The following AKAP12 variants were observed in gnomAD, a reference collection of about 807,000 sequenced individuals.
The protein encoded by AKAP12 is A-kinase anchor protein 12.
In AKAP12, 32 loss-of-function variants were observed where a neutral mutation model predicts 79.9. That is an observed-to-expected ratio of 0.40 (90% CI 0.30 to 0.54). The LOEUF (loss-of-function observed/expected upper bound fraction) is 0.54. AKAP12 is among the 20% of genes least tolerant of loss of function. The pLI is 0.48. For synonymous variants in AKAP12, 808 were observed against 857.0 expected (o/e 0.94, Z 1.00); for missense variants, 2,074 against 2,177.0 (o/e 0.95, Z 0.94).
rs1222131764 is a variant in AKAP12, at chr6:151,352,318, A to T, written c.3927A>T (p.Thr1309=). The part of the protein sequence containing the change: ...VTEVALKGEG[T]EEAECKKDDA... ...AAGTTGCCCTTAAAGGTGAAGGGAC[A>T]GAAGAAGCTGAATGTAAAAAGGATG... The change falls in exon 4 of 5, where the codon ACA becomes ACT. Residue 1309 remains threonine, a synonymous_variant. Transcript: ENST00000402676. The T allele has an allele frequency of 6.2e-7, 1 of 1,614,226 alleles. No homozygotes were observed. The highest frequency in any genetic ancestry group is 2.2e-5 in the East Asian group (1 of 44,886).
In AKAP12 at chr6:151,264,067, GGAGGGGGCACTGTTTCAT is replaced by G. The variant is rs1405083345; in HGVS notation, c.162+23348_162+23365del. ...ATGCACTCTCCAGCTTGGGGCAGGT[GGAGGGGGCACTGTTTCAT>G]GAGGAAAGCTAATGGTATGCAGAAG... On this transcript the variant is annotated intron_variant, in intron 2 of 4. Coordinates refer to ENST00000402676, the MANE Select transcript of AKAP12 (RefSeq NM_005100.4). Among the ~76,000 whole-genome samples, 7 of 152,108 alleles carry G rather than the reference GGAGGGGGCACTGTTTCAT, an allele frequency of 4.6e-5. No homozygotes were observed. The East Asian group carries it at 1.3e-3, about 29-fold the overall frequency.
At chr6:151,306,721 T>C (rs1048397280) in intron 3 of AKAP12, among the ~76,000 whole-genome samples, 11 of 152,222 alleles carry the variant, frequency 7.2e-5, no homozygotes, top group Admixed American at 2.0e-4. Flanking sequence ...TCTTCTTGTT[T>C]GATGCCCCCA....
chr6:151,261,158 TG>T (rs1797422179), intron 2 of AKAP12, among the ~76,000 whole-genome samples: 1 of 151,666 alleles, frequency 6.6e-6, no homozygotes, highest in Non-Finnish European at 1.5e-5. Context: ...GAGACCAGCG[TG>T]GGTGGGTCAC....
chr6:151,252,461 G>T (rs1162824415), intron 2 of AKAP12, among the ~76,000 whole-genome samples: 2 of 152,032 alleles, frequency 1.3e-5, no homozygotes, highest in African/African-American at 2.4e-5. Flanking sequence ...CTCCCAAAGT[G>T]CTGGGATTAC....
chr6:151,252,160 A>G (rs1412846739), intron 2 of AKAP12, among the ~76,000 whole-genome samples: 1 of 151,250 alleles, frequency 6.6e-6, no homozygotes, highest in Admixed American at 6.6e-5. Flanking sequence ...CTTTTGGAGT[A>G]TTGGGCAAGG....
chr6:151,277,113 G>A (rs534407962), intron 2 of AKAP12, among the ~76,000 whole-genome samples: 3 of 152,164 alleles, frequency 2.0e-5, no homozygotes, highest in Admixed American at 1.3e-4. Flanking sequence ...CCTTTCCTAG[G>A]TGTCATTACT....
At chr6:151,287,441 T>C (rs965223169) in intron 2 of AKAP12, among the ~76,000 whole-genome samples, 4 of 152,076 alleles carry the variant, frequency 2.6e-5, no homozygotes, top group Non-Finnish European at 5.9e-5. Context: ...TTGCATTTTT[T>C]GTAGAGTTGG....
intron 3 of AKAP12, 118 bp downstream of exon 3, chr6:151,306,021 C>A: frequency 1.9e-6 from 2 of 1,075,358 alleles, no homozygotes; most frequent in Non-Finnish European, 2.6e-6. Flanking sequence ...CAAAAACAAT[C>A]AATTGGTTAC....
intron 2 of AKAP12, among the ~76,000 whole-genome samples, chr6:151,275,905 T>C (rs746459900): frequency 2.9e-4 from 44 of 152,252 alleles, no homozygotes; most frequent in Non-Finnish European, 4.4e-4. Flanking sequence ...CTCGTTGATC[T>C]GGAAAGTTGT....
intron 3 of AKAP12, chr6:151,343,881 A>C: frequency 2.3e-6 from 1 of 432,536 alleles, no homozygotes; most frequent in South Asian, 1.8e-5. Context: ...GTCAGTTTAT[A>C]ATAGGAACAA....
chr6:151,350,039 G>T lies in AKAP12; in HGVS notation c.1648G>T (p.Val550Phe). ...CGAGGAATCAGGGGAGCACACTCAG[G>T]TTCCAGCCGATTCTCCGGACAGCCA... ...GDEESGEHTQVPADSPDSQEE... is the reference protein window; with the variant it reads ...GDEESGEHTQFPADSPDSQEE... The change falls in exon 4 of 5, where the codon GTT becomes TTT. Residue 550 changes from valine (V) to phenylalanine (F), a missense_variant. Physicochemically the swap from Val to Phe is conservative, Grantham distance 50. Coordinates refer to ENST00000402676, the MANE Select transcript of AKAP12 (RefSeq NM_005100.4). This position sits in a 1 kb window ranked among gnomAD's most constrained non-coding sequence, Gnocchi z 4.8. 1.2e-6 allele frequency: 2 copies of T among 1,614,138 alleles called. No individual in the cohort carries two copies. Among genetic ancestry groups the T allele is most frequent in the Non-Finnish European group, 1.7e-6 (2 of 1,180,030 alleles).
intron 3 of AKAP12, among the ~76,000 whole-genome samples, chr6:151,343,064 A>G (rs1430708009): frequency 6.6e-6 from 1 of 152,204 alleles, no homozygotes; most frequent in African/African-American, 2.4e-5. Context: ...TGCCCGGCCC[A>G]ATAGCTGTTT....
chr6:151,263,849 G>T (rs544743142), intron 2 of AKAP12, among the ~76,000 whole-genome samples: 4 of 152,322 alleles, frequency 2.6e-5, no homozygotes, highest in Admixed American at 6.5e-5. Context: ...AAAGTGCTGG[G>T]ATTACAGGCA....
intron 3 of AKAP12, among the ~76,000 whole-genome samples, chr6:151,327,329 T>C (rs1777553976): frequency 6.6e-6 from 1 of 152,218 alleles, no homozygotes; most frequent in Non-Finnish European, 1.5e-5. Context: ...CTAACCTTTC[T>C]ACCATTTACT....
chr6:151,323,740 G>A, intron 3 of AKAP12: 10 of 985,378 alleles, frequency 1.0e-5, no homozygotes, highest in Non-Finnish European at 1.1e-5. Context: ...TGGAATAGCT[G>A]TTGCTTGTCC....
chr6:151,339,801 T>C (rs57339760), intron 3 of AKAP12, among the ~76,000 whole-genome samples: 2,139 of 152,332 alleles, frequency 0.014, 56 homozygotes, highest in African/African-American at 0.048. Context: ...CAAAGTTTTG[T>C]CTTTTTCAGA....
At chr6:151,296,613 C>T (rs369685456) in intron 2 of AKAP12, among the ~76,000 whole-genome samples, 1 of 152,210 alleles carries the variant, frequency 6.6e-6, no homozygotes, top group Non-Finnish European at 1.5e-5. Context: ...CACATCTTTA[C>T]TAAAAATACA....
intron 2 of AKAP12, among the ~76,000 whole-genome samples, chr6:151,260,241 TATC>T (rs1797398659): frequency 6.6e-6 from 1 of 152,220 alleles, no homozygotes. Context: ...AGGTGACTGG[TATC>T]ATTCCCGTTT....
Position 151,351,839 on chromosome 6 carries a change from C to G in AKAP12, c.3448C>G (p.Gln1150Glu), listed in dbSNP as rs748755924. Residue 1150 changes from glutamine to glutamate, a missense_variant, in exon 4 of 5, where the codon CAG (glutamine) becomes GAG (glutamate). Coordinates refer to ENST00000402676, the MANE Select transcript of AKAP12 (RefSeq NM_005100.4). This position sits in a 1 kb window ranked among gnomAD's most constrained non-coding sequence, Gnocchi z 4.4. The part of the protein sequence containing the change: ...QAETLAGVKS[Q>E]EMVMEQAIPP... ...CGAAACCTTAGCTGGGGTAAAATCA[C>G]AGGAGATGGTGATGGAACAGGCTAT... 3 of 1,614,052 alleles carry G rather than the reference C, an allele frequency of 1.9e-6. No homozygotes were observed. In the South Asian group the frequency reaches 3.3e-5, roughly 18 times the overall value.
Sources: allele counts gnomAD v4.1 joint callset (sites outside exome capture counted in the v4.1 genomes callset), GRCh38; gene constraint gnomAD v4.1.1; non-coding constraint Gnocchi (gnomAD v3.1); transcripts MANE v1.5; gene names NCBI Gene and HGNC (gene_info 2026-07-23, HGNC 2026-07-21).